Variants in ROBO2 observed in about 807,000 individuals in gnomAD.
The protein encoded by ROBO2 is roundabout guidance receptor 2, also known as roundabout homolog 2.
ROBO2 carries 53 observed loss-of-function variants against 160.8 expected under a neutral mutation model. The observed-to-expected ratio is 0.33, with a 90% CI of 0.26 to 0.41. The LOEUF (loss-of-function observed/expected upper bound fraction) is 0.41, where lower values mean the gene tolerates loss of function less well. Ranked by LOEUF, ROBO2 falls within the 10% of genes least tolerant of loss-of-function variation. The probability of loss-of-function intolerance (pLI) is 1.00; values close to 1 mark genes in which losing one functional copy is unlikely to be tolerated. For missense variants in ROBO2, 1,577 were observed against 1,722.4 expected (o/e 0.92, Z 1.49); for synonymous variants, 664 against 611.7 (o/e 1.09, Z -1.26).
chr3:77,628,098 A>T (rs1218535993), intron 23 of ROBO2, among the ~76,000 whole-genome samples: 1 of 151,478 alleles, frequency 6.6e-6, no homozygotes, highest in African/African-American at 2.4e-5. Flanking sequence ...TACATTTGAG[A>T]TTTTTTTTTG....
chr3:77,507,563 A>C (rs1380937126), intron 5 of ROBO2, among the ~76,000 whole-genome samples: 1 of 152,152 alleles, frequency 6.6e-6, no homozygotes, highest in African/African-American at 2.4e-5. Flanking sequence ...TGTGATCCCT[A>C]AAGTCCTGTC....
At chr3:76,154,057 AG>A (rs1382315979) in intron 2 of ROBO2, among the ~76,000 whole-genome samples, 1 of 152,198 alleles carries the variant, frequency 6.6e-6, no homozygotes, top group Non-Finnish European at 1.5e-5. Context: ...AAATGCAATC[AG>A]AAAAACATAT....
chr3:76,125,014 C>G (rs1466149243), intron 2 of ROBO2, among the ~76,000 whole-genome samples: 2 of 152,062 alleles, frequency 1.3e-5, no homozygotes, highest in Admixed American at 6.5e-5. Context: ...CACCTTCTAG[C>G]AGATTGCAGT....
At position 77,171,205 on chromosome 3, in the gene ROBO2, T is replaced by C. The variant is rs1233755125; in HGVS notation, c.388+72865T>C. 2.0e-5 allele frequency among the ~76,000 whole-genome samples: 3 copies of C among 152,098 alleles called. No individual in the cohort carries two copies. The East Asian group carries it at 5.8e-4, about 29-fold the overall frequency. ...ACATTGCCTGCACTGGCATATACAC[T>C]AGAGGATATAACTGGCAAACAACAA... is the stretch of plus-strand genomic sequence containing the variant. On this transcript the variant is annotated intron_variant, in intron 2 of 25. Coordinates refer to ENST00000461745, the Ensembl canonical transcript of ROBO2.
intron 2 of ROBO2, among the ~76,000 whole-genome samples, chr3:76,502,913 C>G (rs1384896455): frequency 6.6e-6 from 1 of 151,992 alleles, no homozygotes; most frequent in Non-Finnish European, 1.5e-5. Flanking sequence ...ATCTAAAAGT[C>G]TCATTAAAAA....
chr3:77,415,755 C>A (rs762523147), intron 2 of ROBO2, among the ~76,000 whole-genome samples: 4 of 152,072 alleles, frequency 2.6e-5, no homozygotes, highest in Non-Finnish European at 5.9e-5. Flanking sequence ...TCAGAGATGC[C>A]GGTAACCACA....
chr3:77,522,689 A>G, intron 5 of ROBO2, 86 bp from the exon 6 acceptor site: 1 of 1,417,032 alleles, frequency 7.1e-7, no homozygotes, highest in Non-Finnish European at 9.8e-7. Context: ...AAAATACAGT[A>G]TAAAAAGAAA....
At chr3:76,501,045 A>G (rs899596100) in intron 2 of ROBO2, among the ~76,000 whole-genome samples, 1 of 152,184 alleles carries the variant, frequency 6.6e-6, no homozygotes, top group Non-Finnish European at 1.5e-5. Context: ...CCTGCAAAAT[A>G]TCAGAAAAGC....
chr3:75,950,526 C>T (rs1464269046), intron 2 of ROBO2, among the ~76,000 whole-genome samples: 2 of 152,014 alleles, frequency 1.3e-5, no homozygotes, highest in East Asian at 1.9e-4. Flanking sequence ...GAGACCCACT[C>T]CATTATATAG....
intron 2 of ROBO2, among the ~76,000 whole-genome samples, chr3:77,155,478 C>T (rs1389095092): frequency 6.6e-6 from 1 of 151,942 alleles, no homozygotes; most frequent in Non-Finnish European, 1.5e-5. Context: ...ACCTTTAGAA[C>T]CTGGAAAAGG....
intron 2 of ROBO2, among the ~76,000 whole-genome samples, chr3:77,141,614 A>G (rs1395184682): frequency 2.0e-5 from 3 of 152,214 alleles, no homozygotes; most frequent in African/African-American, 7.2e-5. Flanking sequence ...CTTGATAAGC[A>G]TGAATCTGGA....
intron 2 of ROBO2, among the ~76,000 whole-genome samples, chr3:76,136,712 G>A (rs758431164): frequency 2.6e-5 from 4 of 151,928 alleles, no homozygotes; most frequent in Non-Finnish European, 5.9e-5. Context: ...AATATGAGTG[G>A]TTGAGAAAAA....
At chr3:77,069,400 CTG>C (rs1037758680) in intron 1 of ROBO2, among the ~76,000 whole-genome samples, 9 of 152,232 alleles carry the variant, frequency 5.9e-5, no homozygotes, top group Admixed American at 5.2e-4. Context: ...GGGAGAATGA[CTG>C]GACTTGTCAT....
intron 2 of ROBO2, among the ~76,000 whole-genome samples, chr3:76,785,923 G>A (rs1255967506): frequency 6.6e-6 from 1 of 151,252 alleles, no homozygotes; most frequent in Admixed American, 6.6e-5. Context: ...GTTTTTATAT[G>A]TATTAGAGTC....
At chr3:76,115,221 T>C (rs533328698) in intron 2 of ROBO2, among the ~76,000 whole-genome samples, 6 of 152,198 alleles carry the variant, frequency 3.9e-5, no homozygotes, top group African/African-American at 1.2e-4. Flanking sequence ...ACTCCCAACA[T>C]CAGCATTTCT....
chr3:77,294,944 T>C (rs1207087006), intron 2 of ROBO2, among the ~76,000 whole-genome samples: 1 of 151,766 alleles, frequency 6.6e-6, no homozygotes, highest in Non-Finnish European at 1.5e-5. Context: ...AATTGATGGT[T>C]AAACGAGTAA....
intron 9 of ROBO2, among the ~76,000 whole-genome samples, chr3:77,560,094 A>C (rs1202226860): frequency 6.6e-6 from 1 of 152,114 alleles, no homozygotes; most frequent in Non-Finnish European, 1.5e-5. Context: ...GGTATGCTTG[A>C]GTAGTCAAGA....
intron 2 of ROBO2, among the ~76,000 whole-genome samples, chr3:77,254,064 T>G (rs1337682375): frequency 1.3e-5 from 2 of 152,168 alleles, no homozygotes; most frequent in Admixed American, 6.5e-5. Flanking sequence ...CCTTTAAAGA[T>G]ATATAGCCTG....
exon 1 of ROBO2, chr3:77,040,537 G>A (rs963813112): frequency 7.2e-7 from 1 of 1,380,882 alleles, no homozygotes; most frequent in African/African-American, 1.5e-5. Context: ...TGGGAATTTA[G>A]GAAGCCAGAG....
Sources: gnomAD v4.1 joint callset for allele counts (sites outside exome capture counted in the v4.1 genomes callset) on GRCh38, gnomAD v4.1.1 for gene constraint, MANE v1.5 for transcripts, NCBI Gene and HGNC (gene_info 2026-07-23, HGNC 2026-07-21) for gene names.